PARN: variants seen among roughly 807,000 people sequenced by gnomAD.
PARN encodes the protein poly(A)-specific ribonuclease PARN.
PARN carries 71 observed loss-of-function variants against 102.8 expected under a neutral mutation model. The ratio of observed to expected loss-of-function variants is 0.69; its 90% CI spans 0.57 to 0.84. The LOEUF (loss-of-function observed/expected upper bound fraction) is 0.84, where lower values mean the gene tolerates loss of function less well. Ranked by LOEUF, PARN falls within the 40% of genes least tolerant of loss-of-function variation. PARN has a pLI of 0.00. For missense variants in PARN, 782 were observed against 760.9 expected (o/e 1.03, Z -0.33); for synonymous variants, 261 against 252.9 (o/e 1.03, Z -0.30).
intron 18 of PARN, among the ~76,000 whole-genome samples, chr16:14,560,520 A>C (rs1371498045): frequency 6.6e-6 from 1 of 152,236 alleles, no homozygotes; most frequent in Non-Finnish European, 1.5e-5. Context: ...TTTACAAAAG[A>C]ATTCTATCCT....
intron 21 of PARN, among the ~76,000 whole-genome samples, chr16:14,511,171 A>T (rs771685707): frequency 1.3e-5 from 2 of 152,246 alleles, no homozygotes; most frequent in African/African-American, 2.4e-5. Flanking sequence ...AATAAAAATT[A>T]AAAACTCACT....
intron 21 of PARN, among the ~76,000 whole-genome samples, chr16:14,509,434 A>C (rs139037575): frequency 1.3e-5 from 2 of 152,196 alleles, no homozygotes; most frequent in Admixed American, 1.3e-4. Context: ...ATGATTATTT[A>C]GTGATTTTTT....
chr16:14,504,515 C>T (rs990366213), intron 21 of PARN, among the ~76,000 whole-genome samples: 24 of 152,028 alleles, frequency 1.6e-4, no homozygotes, highest in Non-Finnish European at 2.4e-4. Flanking sequence ...GCAGAGATTG[C>T]GCCATTGCAC....
chr16:14,475,414 C>T (rs1430592848), intron 22 of PARN, among the ~76,000 whole-genome samples: 1 of 152,216 alleles, frequency 6.6e-6, no homozygotes, highest in South Asian at 2.1e-4. Flanking sequence ...TGTATTTCTT[C>T]AGATCCCACA....
At chr16:14,567,529 A>G (rs563865718) in intron 18 of PARN, among the ~76,000 whole-genome samples, 2 of 152,332 alleles carry the variant, frequency 1.3e-5, no homozygotes, top group East Asian at 3.9e-4. Context: ...AGGGCACAGG[A>G]TATCATCTTT....
chr16:14,562,008 CA>C (rs945798622), intron 18 of PARN, among the ~76,000 whole-genome samples: 53 of 152,136 alleles, frequency 3.5e-4, no homozygotes, highest in African/African-American at 1.1e-3. Context: ...AAAAATTAGC[CA>C]GGGGTGGTGG....
intron 5 of PARN, among the ~76,000 whole-genome samples, chr16:14,619,442 AAAT>A (rs1182589434): frequency 2.0e-5 from 3 of 151,694 alleles, no homozygotes; most frequent in Non-Finnish European, 4.4e-5. Flanking sequence ...TTTCAATTAA[AAAT>A]AATAATAATA....
intron 21 of PARN, among the ~76,000 whole-genome samples, chr16:14,523,614 T>G (rs536742700): frequency 5.9e-5 from 9 of 152,166 alleles, no homozygotes; most frequent in Non-Finnish European, 1.2e-4. Flanking sequence ...TGTACATACG[T>G]AGAGATCAGA....
intron 21 of PARN, among the ~76,000 whole-genome samples, chr16:14,538,295 TACA>T (rs1966701677): frequency 6.7e-6 from 1 of 149,848 alleles, no homozygotes; most frequent in South Asian, 2.2e-4. Context: ...CTTGGCTCAC[TACA>T]ACCTTTGCCC....
intron 18 of PARN, 120 bp from the exon 19 acceptor site, chr16:14,555,829 G>A: frequency 2.0e-6 from 1 of 500,564 alleles, no homozygotes; most frequent in Non-Finnish European, 3.6e-6. Flanking sequence ...ATCTTTTGTA[G>A]AAGATCCTTG....
chr16:14,436,807 G>A (rs1408385767), intron 23 of PARN, 35 bp from the exon 24 acceptor site: 2 of 1,492,782 alleles, frequency 1.3e-6, no homozygotes. Context: ...TGAACAGCAG[G>A]ACCAGGACGG....
chr16:14,471,299 G>GA (rs1962723396), intron 22 of PARN, among the ~76,000 whole-genome samples: 1 of 152,086 alleles, frequency 6.6e-6, no homozygotes, highest in African/African-American at 2.4e-5. Context: ...GCATAAAATA[G>GA]AAAAGCAGTA....
intron 21 of PARN, among the ~76,000 whole-genome samples, chr16:14,521,479 T>C (rs868186934): frequency 6.6e-6 from 1 of 152,262 alleles, no homozygotes; most frequent in South Asian, 2.1e-4. Flanking sequence ...GGAACGCTTT[T>C]GCTTTCCATT....
intron 10 of PARN, among the ~76,000 whole-genome samples, chr16:14,605,119 T>C (rs1360462465): frequency 1.3e-5 from 2 of 151,738 alleles, no homozygotes; most frequent in Admixed American, 1.3e-4. Context: ...TCTTTTTATA[T>C]TTTTAGTAGA....
chr16:14,442,434 C>T (rs1361217029), intron 23 of PARN, among the ~76,000 whole-genome samples: 1 of 152,160 alleles, frequency 6.6e-6, no homozygotes, highest in Admixed American at 6.5e-5. Flanking sequence ...TACCAATCAA[C>T]AGTCATATCA....
chr16:14,544,191 C>CA (rs965957221), intron 21 of PARN, among the ~76,000 whole-genome samples: 3 of 151,290 alleles, frequency 2.0e-5, no homozygotes, highest in Admixed American at 1.3e-4. Context: ...GACTCCATCT[C>CA]AAAAAAAAGA....
rs182379648 is a variant in PARN, at chr16:14,580,750, C to G, written c.1262+124G>C. Reference sequence around the variant, plus strand: ...ACTTTCAAAAAACATGTGAGTCACTCGAGATGAAAAACAGCTTATCTAAAA... The same window carrying G: ...ACTTTCAAAAAACATGTGAGTCACTGGAGATGAAAAACAGCTTATCTAAAA... On this transcript the variant is annotated intron_variant, in intron 18 of 23. Transcript: ENST00000437198. 2.0e-5 allele frequency: 11 copies of G among 563,128 alleles called. No homozygotes were observed. The Admixed American group carries it at 3.1e-4, about 16-fold the overall frequency. The allele number at this position is 563,128 out of a possible 1,614,324, so 34.9% of individuals were successfully genotyped here.
At position 14,597,524 on chromosome 16, in the gene PARN, G is replaced by A. The variant is rs137982033; in HGVS notation, c.840+2380C>T. Among the ~76,000 whole-genome samples, 205 of 151,952 alleles carry A rather than the reference G, an allele frequency of 1.3e-3. 4 individuals carry two copies. In the East Asian group the frequency reaches 0.036, roughly 27 times the overall value. On this transcript the variant is annotated intron_variant, in intron 12 of 23. Transcript: ENST00000437198. The stretch of plus-strand genomic sequence containing the variant: ...ATCCTGGCTAACATGGTGAAACCCC[G>A]TCTCTACTAAAAATACAAAAAAATT...
intron 21 of PARN, among the ~76,000 whole-genome samples, chr16:14,539,483 T>G (rs1397795081): frequency 2.0e-5 from 3 of 152,248 alleles, no homozygotes; most frequent in African/African-American, 7.2e-5. Context: ...TAAATCTGTC[T>G]GATGAACATT....
Sources: allele counts gnomAD v4.1 joint callset (sites outside exome capture counted in the v4.1 genomes callset), GRCh38; gene constraint gnomAD v4.1.1; transcripts MANE v1.5; gene names NCBI Gene and HGNC (gene_info 2026-07-23, HGNC 2026-07-21).